The following TACR3 variants were observed in gnomAD, a reference collection of about 807,000 sequenced individuals.
TACR3 encodes the protein tachykinin receptor 3, also known as neuromedin-K receptor.
In TACR3, 34 loss-of-function variants were observed where a neutral mutation model predicts 35.0. The observed-to-expected ratio is 0.97, with a 90% confidence interval of 0.74 to 1.30. The LOEUF (loss-of-function observed/expected upper bound fraction) is 1.30, where lower values mean the gene tolerates loss of function less well. Among genes scored for constraint, TACR3 ranks in the 50% most tolerant of loss-of-function variants. TACR3 has a pLI of 0.00. For synonymous variants in TACR3, 233 were observed against 221.1 expected, an observed-to-expected ratio of 1.05 and a Z score of -0.48; for missense variants, 558 against 591.7, an observed-to-expected ratio of 0.94 and a Z score of 0.59.
At chr4:103,706,359 T>G (rs1254200711) in intron 1 of TACR3, among the ~76,000 whole-genome samples, 1 of 152,178 alleles carries the variant, frequency 6.6e-6, no homozygotes, top group Non-Finnish European at 1.5e-5. Context: ...AATTATCTAT[T>G]AAAAAATTGA....
intron 3 of TACR3, among the ~76,000 whole-genome samples, chr4:103,616,285 G>A (rs531732601): frequency 2.1e-5 from 3 of 140,672 alleles, no homozygotes; most frequent in South Asian, 2.2e-4. Flanking sequence ...CCCAATAATG[G>A]CAGAGTACAT....
At chr4:103,709,780 C>T (rs893801598) in intron 1 of TACR3, among the ~76,000 whole-genome samples, 9 of 151,954 alleles carry the variant, frequency 5.9e-5, no homozygotes, top group African/African-American at 1.9e-4. Flanking sequence ...TGCAGAGACA[C>T]ACATAGGCTC....
chr4:103,688,937 A>G (rs369957212), intron 1 of TACR3, among the ~76,000 whole-genome samples: 15 of 152,012 alleles, frequency 9.9e-5, no homozygotes, highest in South Asian at 4.1e-4. Context: ...CTGCTATAAA[A>G]ACACATGCAC....
intron 1 of TACR3, among the ~76,000 whole-genome samples, chr4:103,674,823 T>G (rs1220285536): frequency 6.6e-6 from 1 of 152,238 alleles, no homozygotes; most frequent in Non-Finnish European, 1.5e-5. Flanking sequence ...GTGCTGGGAT[T>G]ACAGGCGTGA....
At chr4:103,596,289 T>G (rs1724014531) in intron 3 of TACR3, among the ~76,000 whole-genome samples, 1 of 151,992 alleles carries the variant, frequency 6.6e-6, no homozygotes, top group Admixed American at 6.6e-5. Flanking sequence ...CTGGGTCAAA[T>G]GGTATTTCTA....
chr4:103,648,644 T>A (rs1239677504), intron 3 of TACR3, among the ~76,000 whole-genome samples: 2 of 152,138 alleles, frequency 1.3e-5, no homozygotes, highest in Non-Finnish European at 2.9e-5. Context: ...TGAAAAGTAC[T>A]CCATTGTGTA....
intron 1 of TACR3, among the ~76,000 whole-genome samples, chr4:103,684,987 TTAAATAAATAAA>T (rs146299787): frequency 0.058 from 8,204 of 142,068 alleles, 540 homozygotes; most frequent in East Asian, 0.23. Context: ...CATCTCAAAA[TTAAATAAATAAA>T]TAAATAAATA....
intron 3 of TACR3, among the ~76,000 whole-genome samples, chr4:103,604,587 C>G (rs1299801705): frequency 6.6e-6 from 1 of 152,076 alleles, no homozygotes; most frequent in Non-Finnish European, 1.5e-5. Context: ...AAGAAACTAC[C>G]ATGAGTGAAC....
intron 1 of TACR3, among the ~76,000 whole-genome samples, chr4:103,674,080 A>T (rs977733241): frequency 6.6e-6 from 1 of 152,208 alleles, no homozygotes; most frequent in Non-Finnish European, 1.5e-5. Flanking sequence ...CAATAGACTT[A>T]TTGCAGAGTA....
intron 1 of TACR3, among the ~76,000 whole-genome samples, chr4:103,677,718 G>A (rs1726202307): frequency 6.6e-6 from 1 of 152,074 alleles, no homozygotes; most frequent in Non-Finnish European, 1.5e-5. Flanking sequence ...TGTGGAGGGT[G>A]GGAGGAAGAA....
intron 4 of TACR3, 63 bp downstream of exon 4, chr4:103,591,424 A>G: frequency 1.3e-6 from 2 of 1,582,354 alleles, no homozygotes; most frequent in Non-Finnish European, 1.7e-6. Context: ...ATGGAACAAC[A>G]TTGTATGTTT....
chr4:103,701,239 T>C (rs1237116105), intron 1 of TACR3, among the ~76,000 whole-genome samples: 1 of 151,998 alleles, frequency 6.6e-6, no homozygotes, highest in African/African-American at 2.4e-5. Flanking sequence ...ATCACAAGCA[T>C]TCTTATACAC....
chr4:103,591,562 A>T lies in TACR3; in HGVS notation c.1010T>A (p.Val337Asp). The T allele has an allele frequency of 1.2e-6, 2 of 1,613,946 alleles. No individual in the cohort carries two copies. Among genetic ancestry groups the T allele is most frequent in the Non-Finnish European group, 8.5e-7 (1 of 1,179,868 alleles). ...QLNRWKYIQQVYLASFWLAMS... is the reference protein window; with the variant it reads ...QLNRWKYIQQDYLASFWLAMS... ...TGCCAGCCAAAAGCTAGCCAGGTAG[A>T]CCTGCTGGATGTATTTCCATCTATT... Residue 337 changes from valine (V) to aspartate (D), a missense_variant, in exon 4 of 5, where the codon GTC becomes GAC. Physicochemically the swap from Val to Asp is radical, Grantham distance 152. Coordinates refer to ENST00000304883, the MANE Select transcript of TACR3 (RefSeq NM_001059.3).
rs940598020 is a variant in TACR3, at chr4:103,589,743, G to A, written c.1337C>T (p.Ser446Phe). 20 of 1,613,884 alleles carry A rather than the reference G, an allele frequency of 1.2e-5. No individual in the cohort carries two copies. The highest frequency in any genetic ancestry group is 1.7e-5 in the Admixed American group (1 of 59,978). Residue 446 changes from serine (S) to phenylalanine (F), a missense_variant, in exon 5 of 5, where the codon TCT becomes TTT. Coordinates refer to ENST00000304883, the MANE Select transcript of TACR3 (RefSeq NM_001059.3). ...TATGAAACTTGAAGTGGCGGAGGCAGATTTGGAATTCCTGCGAGAGCAGCC... is the reference window on the plus strand; with the variant it reads ...TATGAAACTTGAAGTGGCGGAGGCAAATTTGGAATTCCTGCGAGAGCAGCC... ...FNGCSRRNSK[S>F]ASATSSFISS...
chr4:103,640,101 AG>A (rs1319474061), intron 3 of TACR3, among the ~76,000 whole-genome samples: 2 of 152,038 alleles, frequency 1.3e-5, no homozygotes, highest in Non-Finnish European at 2.9e-5. Flanking sequence ...AAACATTGCA[AG>A]AAAAATATTA....
chr4:103,636,151 G>T (rs535219751), intron 3 of TACR3, among the ~76,000 whole-genome samples: 2 of 151,872 alleles, frequency 1.3e-5, no homozygotes, highest in Non-Finnish European at 2.9e-5. Flanking sequence ...GTATGCTTTA[G>T]GTTAATTAAC....
intron 1 of TACR3, among the ~76,000 whole-genome samples, chr4:103,682,985 C>T (rs1025800459): frequency 6.6e-6 from 1 of 152,034 alleles, no homozygotes; most frequent in Non-Finnish European, 1.5e-5. Context: ...ATCACATATG[C>T]CACGTTTTAT....
At chr4:103,644,782 G>A (rs1367696640) in intron 3 of TACR3, among the ~76,000 whole-genome samples, 1 of 151,468 alleles carries the variant, frequency 6.6e-6, no homozygotes, top group African/African-American at 2.4e-5. Context: ...AGATATTATG[G>A]TTTTATGATT....
chr4:103,631,097 T>C (rs778144959), intron 3 of TACR3, among the ~76,000 whole-genome samples: 3 of 152,126 alleles, frequency 2.0e-5, no homozygotes, highest in Non-Finnish European at 4.4e-5. Flanking sequence ...AAACACGGCA[T>C]GTTCTCACTC....
Sources: gnomAD v4.1 joint callset for allele counts (sites outside exome capture counted in the v4.1 genomes callset) on GRCh38, gnomAD v4.1.1 for gene constraint, MANE v1.5 for transcripts, NCBI Gene and HGNC (gene_info 2026-07-23, HGNC 2026-07-21) for gene names.